Variants in MOB1B observed in about 807,000 individuals in gnomAD.
MOB1B encodes MOB kinase activator 1B, also known as MOB1 Mps One Binder homolog B.
MOB1B carries 19 observed loss-of-function variants against 24.4 expected under a neutral mutation model. The observed-to-expected ratio is 0.78, with a 90% CI of 0.54 to 1.14. The LOEUF (loss-of-function observed/expected upper bound fraction) is 1.14, where lower values mean the gene tolerates loss of function less well. MOB1B is among the 50% of genes most tolerant of loss of function. The pLI, the probability that MOB1B is intolerant of heterozygous loss-of-function variation, is 0.00. For synonymous variants in MOB1B, 76 were observed against 82.1 expected (o/e 0.93, Z 0.40); for missense variants, 243 against 259.6 (o/e 0.94, Z 0.44).
intron 1 of MOB1B, among the ~76,000 whole-genome samples, chr4:70,902,836 T>C (rs1735572697): frequency 6.6e-6 from 1 of 152,138 alleles, no homozygotes; most frequent in African/African-American, 2.4e-5. Flanking sequence ...ATCACCCCCG[T>C]CTCTGCCTTC....
At position 70,958,881 on chromosome 4, in the gene MOB1B, C is replaced by A; in HGVS notation, c.22C>A (p.Arg8Ser). The change falls in exon 2 of 6, where the codon CGC (arginine) becomes AGC (serine). Residue 8 changes from arginine (R) to serine (S), a missense_variant. Physicochemically the swap from Arg to Ser is moderately radical, Grantham distance 110. Coordinates refer to ENST00000309395, the MANE Select transcript of MOB1B (RefSeq NM_173468.4). Reference sequence around the variant, plus strand: ...TTTCTTTTCTATTCATAGTGGTAGTCGCTCTTCTAAAACTTTTAAACCAAA... The same window carrying A: ...TTTCTTTTCTATTCATAGTGGTAGTAGCTCTTCTAAAACTTTTAAACCAAA... The part of the protein sequence containing the change: MSFLFGS[R>S]SSKTFKPKKN... 1 of 1,607,994 alleles carries A rather than the reference C, an allele frequency of 6.2e-7. No individual in the cohort carries two copies. Among genetic ancestry groups the A allele is most frequent in the Non-Finnish European group, 8.5e-7 (1 of 1,178,310 alleles).
At chr4:70,980,578 G>C (rs149332484) in intron 5 of MOB1B, among the ~76,000 whole-genome samples, 1 of 152,220 alleles carries the variant, frequency 6.6e-6, no homozygotes, top group East Asian at 1.9e-4. Context: ...CCTGCCTTGG[G>C]CCCCACAATT....
chr4:70,944,043 A>T (rs549730298), intron 1 of MOB1B, among the ~76,000 whole-genome samples: 1 of 152,148 alleles, frequency 6.6e-6, no homozygotes, highest in Admixed American at 6.5e-5. Context: ...CAACTGCTAG[A>T]TATCTGTAAT....
intron 1 of MOB1B, among the ~76,000 whole-genome samples, chr4:70,943,206 C>T (rs141943859): frequency 1.4e-4 from 22 of 152,284 alleles, no homozygotes; most frequent in African/African-American, 5.1e-4. Context: ...CATACATTCT[C>T]ATTTCACATA....
At chr4:70,931,281 T>C (rs1736880756) in intron 1 of MOB1B, among the ~76,000 whole-genome samples, 1 of 152,236 alleles carries the variant, frequency 6.6e-6, no homozygotes, top group Admixed American at 6.5e-5. Flanking sequence ...GATTTGCAGT[T>C]ACATTCTGAA....
At chr4:70,957,141 G>A (rs1578386883) in intron 1 of MOB1B, among the ~76,000 whole-genome samples, 1 of 131,940 alleles carries the variant, frequency 7.6e-6, no homozygotes, top group Non-Finnish European at 1.6e-5. Context: ...GTATTCATAT[G>A]TTCAAATGCC....
upstream of MOB1B, among the ~76,000 whole-genome samples, chr4:70,901,970 C>T (rs1274070147): frequency 6.6e-6 from 1 of 152,164 alleles, no homozygotes; most frequent in Non-Finnish European, 1.5e-5. Context: ...CTTGGCCGGA[C>T]ACTCACGGTG....
chr4:70,979,921 A>C (rs956157334), intron 5 of MOB1B, among the ~76,000 whole-genome samples: 2 of 152,206 alleles, frequency 1.3e-5, no homozygotes, highest in Non-Finnish European at 2.9e-5. Flanking sequence ...CCATGCTCTA[A>C]TAATAAGAGA....
chr4:70,910,443 A>T (rs541933256), intron 1 of MOB1B, among the ~76,000 whole-genome samples: 3 of 151,860 alleles, frequency 2.0e-5, no homozygotes, highest in South Asian at 2.1e-4. Context: ...ACACATATGT[A>T]TGTATATATG....
intron 3 of MOB1B, among the ~76,000 whole-genome samples, chr4:70,973,293 G>A (rs1738840439): frequency 6.6e-6 from 1 of 151,950 alleles, no homozygotes; most frequent in Admixed American, 6.6e-5. Context: ...TAGTAAACAT[G>A]GTTGTGCCCG....
In MOB1B at chr4:70,981,967, A is replaced by G. The variant is rs1342039784; in HGVS notation, c.574-13A>G. ...TTTGCTATTTATTCTGCCTTTCTTT[A>G]TATCATGCATAGGAATTCAACCTTA... On this transcript the variant is annotated splice_polypyrimidine_tract_variant and intron_variant, in intron 5 of 5. Coordinates refer to ENST00000309395, the MANE Select transcript of MOB1B (RefSeq NM_173468.4). The G allele has an allele frequency of 1.3e-6, 2 of 1,559,682 alleles. No individual in the cohort carries two copies. The highest frequency in any genetic ancestry group is 3.4e-5 in the Admixed American group (2 of 59,028).
chr4:70,926,812 C>T lies in MOB1B; in HGVS notation c.14+24262C>T, dbSNP rs558936752. On this transcript the variant is annotated intron_variant, in intron 1 of 5. Coordinates refer to ENST00000309395, the MANE Select transcript of MOB1B (RefSeq NM_173468.4). ...GAGATCGAGACCATCCTGGCTAACACGGTGAAACCCCGTCTCTACTAAAAA... is the reference window on the plus strand; with the variant it reads ...GAGATCGAGACCATCCTGGCTAACATGGTGAAACCCCGTCTCTACTAAAAA... Among the ~76,000 whole-genome samples, 14 of 151,552 alleles carry T rather than the reference C, an allele frequency of 9.2e-5. No individual in the cohort carries two copies. The East Asian group carries it at 1.4e-3, about 15-fold the overall frequency.
intron 1 of MOB1B, among the ~76,000 whole-genome samples, chr4:70,936,078 C>G (rs890644054): frequency 3.9e-5 from 6 of 151,976 alleles, no homozygotes; most frequent in Admixed American, 3.3e-4. Context: ...GTCTCGATCT[C>G]CTGACCTCGT....
rs184391588 is a variant in MOB1B at position 70,964,853 on chromosome 4, C to T, written c.182-5078C>T. On this transcript the variant is annotated intron_variant, in intron 2 of 5. Transcript: ENST00000309395. Reference sequence around the variant, plus strand: ...GCTGAGGCAGGAAAATTGCTTGAACCCAGGAAGCAGAGCTTGTAGTGAGCT... The same window carrying T: ...GCTGAGGCAGGAAAATTGCTTGAACTCAGGAAGCAGAGCTTGTAGTGAGCT... Among the ~76,000 whole-genome samples, 346 of 151,740 alleles carry T rather than the reference C, an allele frequency of 2.3e-3. 3 individuals are homozygous for T. Among genetic ancestry groups the T allele is most frequent in the African/African-American group, 8.0e-3 (333 of 41,376 alleles).
At chr4:70,973,621 T>G (rs1255144106) in intron 3 of MOB1B, among the ~76,000 whole-genome samples, 1 of 152,200 alleles carries the variant, frequency 6.6e-6, no homozygotes, top group Non-Finnish European at 1.5e-5. Context: ...ATTGTGAAAG[T>G]GATTTTGACT....
At chr4:70,964,606 A>G (rs1391713142) in intron 2 of MOB1B, among the ~76,000 whole-genome samples, 1 of 152,236 alleles carries the variant, frequency 6.6e-6, no homozygotes, top group Non-Finnish European at 1.5e-5. Context: ...GAGGTTGGAA[A>G]AACAACAGCA....
At position 70,950,444 on chromosome 4, in the gene MOB1B, AAAAAAG is replaced by A. The variant is rs1359227787; in HGVS notation, c.15-8427_15-8422del. ...CTCTGTATCAAAAAAAAAAAAAAAA[AAAAAAG>A]AATGGTCTTTAGAGATTTAAATCCT... On this transcript the variant is annotated intron_variant, in intron 1 of 5. Transcript: ENST00000309395. Among the ~76,000 whole-genome samples, 3 of 151,640 alleles carry A rather than the reference AAAAAAG, an allele frequency of 2.0e-5. No individual in the cohort carries two copies. The East Asian group carries it at 5.8e-4, about 29-fold the overall frequency.
At chr4:70,971,087 T>C (rs1738734518) in intron 3 of MOB1B, among the ~76,000 whole-genome samples, 1 of 152,256 alleles carries the variant, frequency 6.6e-6, no homozygotes, top group African/African-American at 2.4e-5. Context: ...GGACTTTGTA[T>C]GGGGTTTGTA....
chr4:70,945,899 A>G (rs1249422422), intron 1 of MOB1B, among the ~76,000 whole-genome samples: 1 of 151,926 alleles, frequency 6.6e-6, no homozygotes, highest in Non-Finnish European at 1.5e-5. Flanking sequence ...ATTGTATGAG[A>G]TAAGGAGAAG....
Sources: allele counts gnomAD v4.1 joint callset (sites outside exome capture counted in the v4.1 genomes callset), GRCh38; gene constraint gnomAD v4.1.1; transcripts MANE v1.5; gene names NCBI Gene and HGNC (gene_info 2026-07-23, HGNC 2026-07-21).